The following ZNF268 variants were observed in gnomAD, a reference collection of about 807,000 sequenced individuals.
ZNF268 encodes zinc finger protein 3.
ZNF268 carries 20 observed loss-of-function variants against 29.3 expected under a neutral mutation model. The ratio of observed to expected loss-of-function variants is 0.68; its 90% CI spans 0.48 to 0.99. ZNF268 has a LOEUF of 0.99. ZNF268 is among the 50% of genes least tolerant of loss of function. The pLI, the probability that ZNF268 is intolerant of heterozygous loss-of-function variation, is 0.00. For missense variants in ZNF268, 1,240 were observed against 1,121.6 expected (o/e 1.11, Z -1.51); for synonymous variants, 429 against 376.9 (o/e 1.14, Z -1.60).
At chr12:133,201,500 C>T (rs1350620211) in intron 5 of ZNF268, among the ~76,000 whole-genome samples, 2 of 152,162 alleles carry the variant, frequency 1.3e-5, no homozygotes, top group East Asian at 1.9e-4. Context: ...CTCTAGTTTT[C>T]CTAAAGAGAA....
At chr12:133,201,435 G>A (rs1014182226) in intron 5 of ZNF268, among the ~76,000 whole-genome samples, 2 of 152,032 alleles carry the variant, frequency 1.3e-5, no homozygotes, top group African/African-American at 4.8e-5. Flanking sequence ...CAAACATTGA[G>A]ACCTGTGCAT....
At chr12:133,189,790 T>C (rs909910980) in intron 3 of ZNF268, among the ~76,000 whole-genome samples, 2 of 152,184 alleles carry the variant, frequency 1.3e-5, no homozygotes, top group Non-Finnish European at 2.9e-5. Flanking sequence ...TTAATAGATA[T>C]GTAATAATTA....
At chr12:133,182,376 A>G (rs1956197626) in intron 2 of ZNF268, among the ~76,000 whole-genome samples, 1 of 147,118 alleles carries the variant, frequency 6.8e-6, no homozygotes, top group South Asian at 2.1e-4. Context: ...AAACTTTTTT[A>G]TTCACTTGTT....
chr12:133,204,478 G>C lies in ZNF268; in HGVS notation c.2792G>C (p.Trp931Ser). The change falls in exon 6 of 6, where the codon TGG becomes TCG. Residue 931 changes from tryptophan (W) to serine (S), a missense_variant. Physicochemically the swap from Trp to Ser is radical, Grantham distance 177 (BLOSUM62 -3). Around this residue, in one of 3 missense-constraint regions of ZNF268, gnomAD observed 1,177 missense variants for 1,039.6 expected, o/e 1.13. Coordinates refer to ENST00000536435, the MANE Select transcript of ZNF268 (RefSeq NM_003415.3). ...ACTGAATGTGGGAAAGCCTTTTGTT[G>C]GAAGTCACAGCTCATTATGCATCAG... ...KCTECGKAFC[W>S]KSQLIMHQRT... 1 of 1,544,722 alleles carries C rather than the reference G, an allele frequency of 6.5e-7. No individual in the cohort carries two copies.
Position 133,202,390 on chromosome 12 carries a change from T to G in ZNF268, c.704T>G (p.Phe235Cys). 1 of 1,611,266 alleles carries G rather than the reference T, an allele frequency of 6.2e-7. No individual in the cohort carries two copies. The highest frequency in any genetic ancestry group is 8.5e-7 in the Non-Finnish European group (1 of 1,178,526). ...NGFQVHGKSFFHSKHEQTVIG... is the reference protein window; with the variant it reads ...NGFQVHGKSFCHSKHEQTVIG... The stretch of plus-strand genomic sequence containing the variant: ...TTTCAGGTACATGGAAAATCATTCT[T>G]CCATTCTAAACATGAGCAAACTGTT... Residue 235 changes from phenylalanine (F) to cysteine (C), a missense_variant, in exon 6 of 6, where the codon TTC becomes TGC. Coordinates refer to ENST00000536435, the MANE Select transcript of ZNF268 (RefSeq NM_003415.3).
intron 5 of ZNF268, among the ~76,000 whole-genome samples, chr12:133,200,377 A>C (rs933198310): frequency 2.6e-5 from 4 of 152,156 alleles, no homozygotes; most frequent in African/African-American, 7.2e-5. Flanking sequence ...GTTTGATTGC[A>C]CTGTCGTCTT....
intron 5 of ZNF268, chr12:133,193,502 A>G: frequency 2.9e-6 from 2 of 698,424 alleles, no homozygotes; most frequent in Non-Finnish European, 5.2e-6. Flanking sequence ...CTGTGCTTCC[A>G]AGATGACGCC....
chr12:133,200,672 T>C lies in ZNF268; in HGVS notation c.458-1472T>C, dbSNP rs185595588. Among the ~76,000 whole-genome samples, 573 of 152,262 alleles carry C rather than the reference T, an allele frequency of 3.8e-3. 5 individuals carry two copies. Among genetic ancestry groups the C allele is most frequent in the Middle Eastern group, 0.014 (4 of 294 alleles). Reference sequence around the variant, plus strand: ...AAAGGACTTGATCCTTAGTCTTATTTCCTATCTATTTTCTATCTTTCCCTT... The same window carrying C: ...AAAGGACTTGATCCTTAGTCTTATTCCCTATCTATTTTCTATCTTTCCCTT... On this transcript the variant is annotated intron_variant, in intron 5 of 5. Coordinates refer to ENST00000536435, the MANE Select transcript of ZNF268 (RefSeq NM_003415.3).
rs763859237 is a variant in ZNF268 at position 133,204,061 on chromosome 12, A to T, written c.2375A>T (p.Lys792Met). 1.3e-6 allele frequency: 2 copies of T among 1,561,054 alleles called. No homozygotes were observed. The highest frequency in any genetic ancestry group is 1.7e-6 in the Non-Finnish European group (2 of 1,156,066). The change falls in exon 6 of 6, where the codon AAG (lysine) becomes ATG (methionine). Residue 792 changes from lysine to methionine, a missense_variant. By Grantham distance (95) the Lys-to-Met change is moderately conservative. This residue lies in a region of ZNF268 where 1,177 missense variants were observed against 1,039.6 expected (regional missense o/e 1.13). Coordinates refer to ENST00000536435, the MANE Select transcript of ZNF268 (RefSeq NM_003415.3). ...CSECGKAFSS[K>M]SYLIIHMRTH... is the part of the protein sequence containing the mutation. The stretch of plus-strand genomic sequence containing the variant: ...GAATGTGGGAAAGCTTTTAGCAGCA[A>T]GTCATACCTAATTATACACATGAGA...
rs1345611045 is a variant in ZNF268, at chr12:133,209,797, A to G, written c.*5267A>G. On this transcript the variant is annotated 3_prime_UTR_variant, in exon 6 of 6. Transcript: ENST00000536435. Reference sequence around the variant, plus strand: ...CATTGCACTCCAGCCCGGGCAGCAGAGTGAGACTCCTTCAAAAAAAATTAA... The same window carrying G: ...CATTGCACTCCAGCCCGGGCAGCAGGGTGAGACTCCTTCAAAAAAAATTAA... The G allele has an allele frequency of 6.7e-6, 1 of 148,576 alleles. No individual in the cohort carries two copies. Among genetic ancestry groups the G allele is most frequent in the Non-Finnish European group, 1.5e-5 (1 of 68,034 alleles). 9.2% of individuals were successfully genotyped at this position (148,576 alleles called of 1,614,324 possible).
In ZNF268 at chr12:133,204,688, AG is replaced by A; in HGVS notation, c.*159del. 1.8e-6 allele frequency: 1 copy of A among 564,666 alleles called. No individual in the cohort carries two copies. The highest frequency in any genetic ancestry group is 3.6e-5 in the Admixed American group (1 of 27,538). The allele number at this position is 564,666 out of a possible 1,614,324, so 35.0% of individuals were successfully genotyped here. A position where few individuals can be genotyped will look rare whatever the true frequency, so the allele number is the denominator to read the frequency against. On this transcript the variant is annotated 3_prime_UTR_variant, in exon 6 of 6. Coordinates refer to ENST00000536435, the MANE Select transcript of ZNF268 (RefSeq NM_003415.3). ...AGCATATGGAAAGGCATCCACAGAAAGCTGTTCTTTACATGCAAAAAGATAG... is the reference window on the plus strand; with the variant it reads ...AGCATATGGAAAGGCATCCACAGAAACTGTTCTTTACATGCAAAAAGATAG...
intron 4 of ZNF268, 117 bp from the exon 5 acceptor site, chr12:133,191,791 C>CA: frequency 6.8e-7 from 1 of 1,465,122 alleles, no homozygotes. Flanking sequence ...TTTACTTTGC[C>CA]AAATTGCAAA....
intron 5 of ZNF268, among the ~76,000 whole-genome samples, chr12:133,199,985 GATTC>G (rs997120317): frequency 6.6e-6 from 1 of 152,090 alleles, no homozygotes; most frequent in Non-Finnish European, 1.5e-5. Context: ...CCAGCTCCTG[GATTC>G]ATTAATTTTT....
At chr12:133,188,589 T>C (rs1956383480) in intron 3 of ZNF268, among the ~76,000 whole-genome samples, 1 of 152,220 alleles carries the variant, frequency 6.6e-6, no homozygotes, top group Non-Finnish European at 1.5e-5. Flanking sequence ...TTTCATCTCC[T>C]TTCCCATCCC....
In ZNF268 at chr12:133,210,905, G is replaced by C. The variant is rs1956968736; in HGVS notation, c.*6375G>C. On this transcript the variant is annotated 3_prime_UTR_variant, in exon 6 of 6. Transcript: ENST00000536435. ...ACCCCTTCCTTACTACCTAGGCACA[G>C]TGTTGGATGGTCAGTGCTTCCTGTT... 2 of 456,066 alleles carry C rather than the reference G, an allele frequency of 4.4e-6. No individual in the cohort carries two copies. Among genetic ancestry groups the C allele is most frequent in the Non-Finnish European group, 4.4e-6 (1 of 226,804 alleles). 28.3% of individuals were successfully genotyped at this position (456,066 alleles called of 1,614,324 possible).
chr12:133,185,194 A>C (rs865837483), intron 2 of ZNF268, among the ~76,000 whole-genome samples: 9 of 151,658 alleles, frequency 5.9e-5, no homozygotes, highest in African/African-American at 2.4e-5. Context: ...AAAAAAAAAA[A>C]AAAAAACAAA....
At chr12:133,201,791 C>T (rs967455261) in intron 5 of ZNF268, among the ~76,000 whole-genome samples, 16 of 152,168 alleles carry the variant, frequency 1.1e-4, no homozygotes, top group African/African-American at 3.9e-4. Flanking sequence ...TCATAGATCC[C>T]TAATGACATG....
chr12:133,183,748 A>G (rs2135481053), intron 2 of ZNF268, among the ~76,000 whole-genome samples: 1 of 152,260 alleles, frequency 6.6e-6, no homozygotes, highest in African/African-American at 2.4e-5. Context: ...GGTGTGGCCA[A>G]AGTAGCTCAG....
chr12:133,205,907 C>T lies in ZNF268; in HGVS notation c.*1377C>T, dbSNP rs995518376. 4.6e-5 allele frequency: 7 copies of T among 152,162 alleles called. No individual in the cohort carries two copies. The highest frequency in any genetic ancestry group is 8.8e-5 in the Non-Finnish European group (6 of 68,018). The allele number at this position is 152,162 out of a possible 1,614,324, so 9.4% of individuals were successfully genotyped here. A position where few individuals can be genotyped will look rare whatever the true frequency, so the allele number is the denominator to read the frequency against. On this transcript the variant is annotated 3_prime_UTR_variant, in exon 6 of 6. Coordinates refer to ENST00000536435, the MANE Select transcript of ZNF268 (RefSeq NM_003415.3). ...AACTGTACATTGTTAATGGGTTTTT[C>T]AAGTTCAGAAAAGCAACATGAGCTT...
Sources: gnomAD v4.1 joint callset for allele counts (sites outside exome capture counted in the v4.1 genomes callset) on GRCh38, gnomAD v4.1.1 for gene constraint, gnomAD v4.1.1 regional missense constraint, MANE v1.5 for transcripts, NCBI Gene and HGNC (gene_info 2026-07-23, HGNC 2026-07-21) for gene names.